PTPRM: variants seen among roughly 807,000 people sequenced by gnomAD.
PTPRM encodes the protein protein tyrosine phosphatase receptor type M.
Under a neutral mutation model 186.7 loss-of-function variants are expected in PTPRM, and 47 were observed. The ratio of observed to expected loss-of-function variants is 0.25; its 90% CI spans 0.20 to 0.32. The LOEUF (loss-of-function observed/expected upper bound fraction) is 0.32. PTPRM is among the 10% of genes least tolerant of loss of function. PTPRM has a pLI of 1.00. For missense variants in PTPRM, 1,494 were observed against 1,865.0 expected (o/e 0.80, Z 3.66); for synonymous variants, 668 against 674.9 (o/e 0.99, Z 0.16).
At chr18:7,939,449 T>G (rs575027645) in intron 5 of PTPRM, among the ~76,000 whole-genome samples, 2 of 152,354 alleles carry the variant, frequency 1.3e-5, no homozygotes, top group South Asian at 4.1e-4. Flanking sequence ...AAATTACTGC[T>G]CATTTAGAAG....
intron 2 of PTPRM, among the ~76,000 whole-genome samples, chr18:7,793,608 T>A (rs534460321): frequency 9.2e-5 from 14 of 152,284 alleles, no homozygotes; most frequent in African/African-American, 3.1e-4. Flanking sequence ...AAGTTGGTTA[T>A]TTTCCCCATT....
intron 7 of PTPRM, among the ~76,000 whole-genome samples, chr18:7,997,837 C>T (rs1052086582): frequency 7.2e-5 from 11 of 152,178 alleles, no homozygotes; most frequent in African/African-American, 2.7e-4. Context: ...GATAACTTTT[C>T]ATCACAGTTA....
At chr18:8,141,093 A>G (rs558403022) in intron 13 of PTPRM, among the ~76,000 whole-genome samples, 2 of 152,262 alleles carry the variant, frequency 1.3e-5, no homozygotes, top group Admixed American at 6.5e-5. Context: ...ATTTAAGGAG[A>G]GCCTAAAGAT....
intron 8 of PTPRM, among the ~76,000 whole-genome samples, chr18:8,074,627 T>G (rs2089692007): frequency 6.6e-6 from 1 of 152,208 alleles, no homozygotes; most frequent in Non-Finnish European, 1.5e-5. Context: ...CTCATTATGG[T>G]TTCGATTTAC....
intron 22 of PTPRM, among the ~76,000 whole-genome samples, chr18:8,331,734 A>G (rs2148164892): frequency 6.6e-6 from 1 of 152,342 alleles, no homozygotes; most frequent in South Asian, 2.1e-4. Flanking sequence ...TTAAGTGTGC[A>G]CCAACATCCT....
intron 2 of PTPRM, among the ~76,000 whole-genome samples, chr18:7,793,080 T>C (rs1347319502): frequency 1.3e-5 from 2 of 152,220 alleles, no homozygotes; most frequent in Non-Finnish European, 2.9e-5. Flanking sequence ...CATTTGGATA[T>C]TTCAACTTGG....
intron 1 of PTPRM, among the ~76,000 whole-genome samples, chr18:7,647,422 G>A (rs909116609): frequency 6.6e-5 from 10 of 152,144 alleles, no homozygotes; most frequent in Non-Finnish European, 1.5e-4. Flanking sequence ...AAGTTATTAG[G>A]TAAGTTATTG....
chr18:8,183,541 C>G (rs959115494), intron 14 of PTPRM, among the ~76,000 whole-genome samples: 1 of 152,194 alleles, frequency 6.6e-6, no homozygotes, highest in Non-Finnish European at 1.5e-5. Context: ...CCCTTCTCCT[C>G]CTTCGTTCAT....
intron 1 of PTPRM, among the ~76,000 whole-genome samples, chr18:7,733,449 T>C (rs1367878937): frequency 6.6e-6 from 1 of 152,160 alleles, no homozygotes; most frequent in Non-Finnish European, 1.5e-5. Flanking sequence ...TATTCCATGG[T>C]GTATATGTGC....
At chr18:7,868,401 A>T (rs999185425) in intron 2 of PTPRM, among the ~76,000 whole-genome samples, 1 of 151,862 alleles carries the variant, frequency 6.6e-6, no homozygotes, top group Non-Finnish European at 1.5e-5. Flanking sequence ...CTTTTTGTTG[A>T]TGTTTATACT....
chr18:8,191,080 A>T (rs1408968022), intron 14 of PTPRM, among the ~76,000 whole-genome samples: 3 of 152,128 alleles, frequency 2.0e-5, no homozygotes, highest in Non-Finnish European at 4.4e-5. Flanking sequence ...AAGGGGTTGG[A>T]GGAATGGGGA....
In PTPRM at chr18:8,305,438, AT is replaced by A. The variant is rs2095211488; in HGVS notation, c.2842+8984del. 2.0e-5 allele frequency among the ~76,000 whole-genome samples: 3 copies of A among 152,314 alleles called. No homozygotes were observed. In the South Asian group the frequency reaches 6.2e-4, roughly 32 times the overall value. Reference sequence around the variant, plus strand: ...ACCAGCTACTTACTAATGATTACTTATATTAATTCACTTAATCCTCACAAAA... The same window carrying A: ...ACCAGCTACTTACTAATGATTACTTAATTAATTCACTTAATCCTCACAAAA... On this transcript the variant is annotated intron_variant, in intron 20 of 32. Coordinates refer to ENST00000580170, the MANE Select transcript of PTPRM (RefSeq NM_001105244.2).
chr18:7,746,974 C>T (rs1462608022), intron 1 of PTPRM, among the ~76,000 whole-genome samples: 7 of 152,086 alleles, frequency 4.6e-5, no homozygotes, highest in African/African-American at 9.7e-5. Flanking sequence ...GGGTTTCTCC[C>T]GGTGTGAACT....
At chr18:7,611,802 C>T (rs1024045443) in intron 1 of PTPRM, among the ~76,000 whole-genome samples, 1 of 152,200 alleles carries the variant, frequency 6.6e-6, no homozygotes, top group African/African-American at 2.4e-5. Context: ...TAAGATGAGA[C>T]TTGCTCCTCC....
intron 20 of PTPRM, among the ~76,000 whole-genome samples, chr18:8,305,519 C>T (rs2095212256): frequency 6.6e-6 from 1 of 152,130 alleles, no homozygotes; most frequent in Non-Finnish European, 1.5e-5. Context: ...GAAACTGAGG[C>T]ACAGAGCGGT....
At chr18:8,231,493 A>G (rs116495506) in intron 14 of PTPRM, among the ~76,000 whole-genome samples, 10 of 152,218 alleles carry the variant, frequency 6.6e-5, no homozygotes, top group Non-Finnish European at 1.3e-4. Flanking sequence ...TGAAGAGTTC[A>G]TTCTTCACCA....
chr18:7,685,377 G>A (rs779340673), intron 1 of PTPRM, among the ~76,000 whole-genome samples: 1 of 152,156 alleles, frequency 6.6e-6, no homozygotes, highest in African/African-American at 2.4e-5. Context: ...TTGATGCCCC[G>A]AAGGGTGTGA....
At chr18:7,756,647 G>A (rs1485701720) in intron 1 of PTPRM, among the ~76,000 whole-genome samples, 2 of 152,072 alleles carry the variant, frequency 1.3e-5, no homozygotes, top group African/African-American at 4.8e-5. Context: ...CCATGGAATA[G>A]TCATCCCACT....
At chr18:7,903,696 T>C (rs2049824799) in intron 3 of PTPRM, among the ~76,000 whole-genome samples, 1 of 152,220 alleles carries the variant, frequency 6.6e-6, no homozygotes. Flanking sequence ...TCTGGTTTTC[T>C]GTTGTGCCTT....
Sources: gnomAD v4.1 joint callset for allele counts (sites outside exome capture counted in the v4.1 genomes callset) on GRCh38, gnomAD v4.1.1 for gene constraint, MANE v1.5 for transcripts, NCBI Gene and HGNC (gene_info 2026-07-23, HGNC 2026-07-21) for gene names.